AGMO: variants seen among roughly 807,000 people sequenced by gnomAD.
AGMO encodes the protein glyceryl-ether monooxygenase.
In AGMO, 75 loss-of-function variants were observed where a neutral mutation model predicts 60.2. The ratio of observed to expected loss-of-function variants is 1.25; its 90% CI spans 1.03 to 1.51. The LOEUF (loss-of-function observed/expected upper bound fraction) is 1.51. Among genes scored for constraint, AGMO ranks in the 40% most tolerant of loss-of-function variants. The pLI, the probability that AGMO is intolerant of heterozygous loss-of-function variation, is 0.00. For synonymous variants in AGMO, 261 were observed against 177.1 expected (o/e 1.47, Z -3.76); for missense variants, 763 against 525.5 (o/e 1.45, Z -4.42).
chr7:15,325,007 A>AT (rs1781293336), intron 12 of AGMO, among the ~76,000 whole-genome samples: 1 of 152,158 alleles, frequency 6.6e-6, no homozygotes. Context: ...TTAAAAAAAA[A>AT]TTTTTGAGTT....
At chr7:15,339,975 T>C (rs1193830445) in intron 12 of AGMO, among the ~76,000 whole-genome samples, 1 of 152,202 alleles carries the variant, frequency 6.6e-6, no homozygotes, top group Non-Finnish European at 1.5e-5. Flanking sequence ...TGACTGTGAC[T>C]GAGGCATAGA....
At chr7:15,410,987 G>A (rs1480975171) in intron 5 of AGMO, among the ~76,000 whole-genome samples, 1 of 151,998 alleles carries the variant, frequency 6.6e-6, no homozygotes, top group Non-Finnish European at 1.5e-5. Flanking sequence ...TATTGTGACA[G>A]ATTTAAGAAT....
chr7:15,485,785 G>T (rs958615227), intron 3 of AGMO, among the ~76,000 whole-genome samples: 28 of 151,606 alleles, frequency 1.8e-4, no homozygotes, highest in African/African-American at 6.5e-4. Flanking sequence ...GATCAAGGAA[G>T]GATAATTTTT....
At chr7:15,138,875 C>T in the AGMO span, among the ~76,000 whole-genome samples, 4,036 of 152,132 alleles carry the variant, frequency 0.027, 203 homozygotes, top group African/African-American at 0.093. Context: ...CAGTTCTTAA[C>T]AATGTTATTG....
At chr7:15,210,669 T>C (rs1781564151) in intron 12 of AGMO, among the ~76,000 whole-genome samples, 2 of 152,204 alleles carry the variant, frequency 1.3e-5, no homozygotes, top group Non-Finnish European at 2.9e-5. Context: ...GAGAACAGAA[T>C]TGCATTTAAT....
the AGMO span, among the ~76,000 whole-genome samples, chr7:15,191,635 G>C: frequency 6.6e-6 from 1 of 152,114 alleles, no homozygotes; most frequent in Non-Finnish European, 1.5e-5. Flanking sequence ...ATGGATTCTT[G>C]AAACTGTTCA....
intron 12 of AGMO, among the ~76,000 whole-genome samples, chr7:15,229,237 T>C (rs1782178874): frequency 6.6e-6 from 1 of 152,122 alleles, no homozygotes; most frequent in Admixed American, 6.6e-5. Flanking sequence ...TTAGGGAATT[T>C]CATTGATAAT....
At chr7:15,404,698 A>C (rs1373099500) in intron 5 of AGMO, among the ~76,000 whole-genome samples, 1 of 151,830 alleles carries the variant, frequency 6.6e-6, no homozygotes, top group Non-Finnish European at 1.5e-5. Context: ...CTTATGGTAC[A>C]AGCTCCATAC....
intron 3 of AGMO, among the ~76,000 whole-genome samples, chr7:15,474,935 GA>G (rs559679153): frequency 6.6e-5 from 10 of 152,000 alleles, no homozygotes; most frequent in Middle Eastern, 3.4e-3. Context: ...CGACAAACAT[GA>G]AAAAAAGCTC....
the AGMO span, among the ~76,000 whole-genome samples, chr7:15,137,581 C>T: frequency 2.0e-5 from 3 of 151,910 alleles, no homozygotes; most frequent in Non-Finnish European, 4.4e-5. Flanking sequence ...TCGAGGTGGA[C>T]ATGTACAATC....
At chr7:15,482,812 T>C (rs749743372) in intron 3 of AGMO, among the ~76,000 whole-genome samples, 1 of 152,114 alleles carries the variant, frequency 6.6e-6, no homozygotes, top group Non-Finnish European at 1.5e-5. Context: ...TCTATTCAGG[T>C]GGGTTTGGTT....
At chr7:15,175,015 C>T in the AGMO span, among the ~76,000 whole-genome samples, 1 of 151,406 alleles carries the variant, frequency 6.6e-6, no homozygotes, top group Admixed American at 6.6e-5. Flanking sequence ...AATATATATC[C>T]TTTAAAACTA....
the AGMO span, among the ~76,000 whole-genome samples, chr7:15,167,649 A>C: frequency 6.6e-6 from 1 of 152,212 alleles, no homozygotes. Context: ...TTGCAGGGCT[A>C]AGATTACTAT....
intron 4 of AGMO, among the ~76,000 whole-genome samples, chr7:15,429,349 C>T (rs747941394): frequency 7.2e-5 from 11 of 152,010 alleles, no homozygotes; most frequent in Non-Finnish European, 8.8e-5. Context: ...AACCAATATG[C>T]CTGGTATCCT....
rs1344703060 is a variant in AGMO, at chr7:15,385,552, T to C, written c.968A>G (p.Lys323Arg). ...TGAAGATGATGAGAAGGGAACTTCT[T>C]TGCCGGTGACCTAGGGAGACAAGAA... The part of the protein sequence containing the change: ...LSEEIPEVTG[K>R]EVPFSSSSSQ... The change falls in exon 10 of 13, where the codon AAA becomes AGA. Residue 323 changes from lysine (K) to arginine (R), a missense_variant. Transcript: ENST00000342526. The C allele has an allele frequency of 5.6e-6, 9 of 1,603,358 alleles. No individual in the cohort carries two copies. The highest frequency in any genetic ancestry group is 7.7e-6 in the Non-Finnish European group (9 of 1,170,702).
the AGMO span, among the ~76,000 whole-genome samples, chr7:15,163,965 TG>T: frequency 6.6e-6 from 1 of 152,092 alleles, no homozygotes; most frequent in African/African-American, 2.4e-5. Context: ...AGGCATTTTT[TG>T]TTATTGTTGT....
At chr7:15,299,336 T>A (rs572861609) in intron 12 of AGMO, among the ~76,000 whole-genome samples, 19 of 152,302 alleles carry the variant, frequency 1.2e-4, no homozygotes, top group Admixed American at 9.8e-4. Flanking sequence ...TTTATACTTA[T>A]GTAATACTGG....
intron 12 of AGMO, among the ~76,000 whole-genome samples, chr7:15,335,204 A>C (rs1415775749): frequency 6.6e-6 from 1 of 152,182 alleles, no homozygotes; most frequent in Non-Finnish European, 1.5e-5. Context: ...GGTTAGGATT[A>C]GATTTCTTTT....
chr7:15,392,117 T>C (rs1278478683), intron 6 of AGMO, among the ~76,000 whole-genome samples: 2 of 152,098 alleles, frequency 1.3e-5, no homozygotes, highest in African/African-American at 4.8e-5. Flanking sequence ...TTGTCCAGGC[T>C]GGAGTGCAGT....
Sources: gnomAD v4.1 joint callset for allele counts (sites outside exome capture counted in the v4.1 genomes callset) on GRCh38, gnomAD v4.1.1 for gene constraint, MANE v1.5 for transcripts, NCBI Gene and HGNC (gene_info 2026-07-23, HGNC 2026-07-21) for gene names.